PRH1: variants seen among roughly 807,000 people sequenced by gnomAD.
PRH1 encodes proline rich protein HaeIII subfamily 1.
Under a neutral mutation model 7.9 loss-of-function variants are expected in PRH1, and 7 were observed. That is an observed-to-expected ratio of 0.89 (90% CI 0.50 to 1.67). The LOEUF (loss-of-function observed/expected upper bound fraction) is 1.67, where lower values mean the gene tolerates loss of function less well. PRH1 is among the 40% of genes most tolerant of loss of function. The probability of loss-of-function intolerance (pLI) is 0.00; values close to 1 mark genes in which losing one functional copy is unlikely to be tolerated. For missense variants in PRH1, 109 were observed against 223.6 expected (o/e 0.49, Z 3.27); for synonymous variants, 45 against 80.8 (o/e 0.56, Z 2.38).
intron 1 of PRH1, among the ~76,000 whole-genome samples, chr12:11,042,100 T>C (rs751460118): frequency 5.9e-5 from 9 of 151,942 alleles, no homozygotes; most frequent in Admixed American, 5.9e-4. Flanking sequence ...AACCCAAAAT[T>C]AGTAGAACAC....
intron 1 of PRH1, among the ~76,000 whole-genome samples, chr12:10,976,327 G>A (rs192048660): frequency 1.1e-3 from 164 of 152,200 alleles, no homozygotes; most frequent in Non-Finnish European, 2.0e-3. Context: ...TGAATTTTGG[G>A]TACATATGAA....
intron 1 of PRH1, among the ~76,000 whole-genome samples, chr12:11,112,178 A>C (rs1455769326): frequency 6.6e-6 from 1 of 152,206 alleles, no homozygotes; most frequent in African/African-American, 2.4e-5. Flanking sequence ...AGCAACCAAA[A>C]AAAGTCCAGG....
At chr12:11,029,017 A>G (rs1332832620) in intron 1 of PRH1, among the ~76,000 whole-genome samples, 3 of 152,296 alleles carry the variant, frequency 2.0e-5, no homozygotes, top group Non-Finnish European at 4.4e-5. Flanking sequence ...TTGACCATCT[A>G]TTCTTGGTGC....
downstream of PRH1, among the ~76,000 whole-genome samples, chr12:11,117,326 AAAATT>A (rs1189937282): frequency 6.6e-6 from 1 of 152,154 alleles, no homozygotes; most frequent in Non-Finnish European, 1.5e-5. Flanking sequence ...GGTCACACAT[AAAATT>A]AAATACCTGA....
intron 1 of PRH1, among the ~76,000 whole-genome samples, chr12:11,010,879 T>C (rs1941037656): frequency 6.6e-6 from 1 of 151,984 alleles, no homozygotes; most frequent in Admixed American, 6.6e-5. Context: ...TTCATATTTC[T>C]TTATTAATTT....
At chr12:11,098,557 A>C (rs150196454) in intron 1 of PRH1, among the ~76,000 whole-genome samples, 2 of 152,312 alleles carry the variant, frequency 1.3e-5, no homozygotes, top group African/African-American at 4.8e-5. Context: ...TGTGTTTAGC[A>C]ACTTCAGTTG....
intron 1 of PRH1, among the ~76,000 whole-genome samples, chr12:10,984,030 G>T (rs914356158): frequency 2.6e-5 from 4 of 151,414 alleles, no homozygotes; most frequent in Non-Finnish European, 5.9e-5. Flanking sequence ...CATTTAGAAA[G>T]GGTTTTAAAA....
intron 1 of PRH1, among the ~76,000 whole-genome samples, chr12:11,103,446 A>C (rs1945315910): frequency 6.6e-6 from 1 of 150,952 alleles, no homozygotes; most frequent in Non-Finnish European, 1.5e-5. Flanking sequence ...AGGACAGAAA[A>C]CCAAACTCCA....
chr12:10,927,143 G>A (rs10845247), intron 2 of PRH1, among the ~76,000 whole-genome samples: 35,600 of 152,140 alleles, frequency 0.23, 4,237 homozygotes, highest in Non-Finnish European at 0.25. Context: ...TGAGCTGAGC[G>A]ACCTTTAGGA....
At chr12:11,073,788 A>G (rs1206712433) in intron 1 of PRH1, among the ~76,000 whole-genome samples, 1 of 152,204 alleles carries the variant, frequency 6.6e-6, no homozygotes. Flanking sequence ...CATCGTGGGC[A>G]TTATAGGACT....
chr12:11,049,745 G>C (rs1469997228), upstream of PRH1, among the ~76,000 whole-genome samples: 1 of 152,092 alleles, frequency 6.6e-6, no homozygotes. Flanking sequence ...GTCATAACTA[G>C]GATAATACCA....
chr12:11,141,257 A>G (rs1946694582), intron 1 of PRH1, among the ~76,000 whole-genome samples: 1 of 152,214 alleles, frequency 6.6e-6, no homozygotes, highest in Non-Finnish European at 1.5e-5. Context: ...GAGTCTAGTT[A>G]ATACTTAAAT....
At chr12:10,924,515 A>G (rs1950098386) in intron 2 of PRH1, among the ~76,000 whole-genome samples, 1 of 152,158 alleles carries the variant, frequency 6.6e-6, no homozygotes, top group Admixed American at 6.5e-5. Context: ...ATCCAACTCA[A>G]TGGCTGACAT....
At chr12:10,926,295 G>A (rs771313506) in intron 2 of PRH1, among the ~76,000 whole-genome samples, 10 of 152,124 alleles carry the variant, frequency 6.6e-5, no homozygotes, top group African/African-American at 9.7e-5. Flanking sequence ...ACTCACTCTC[G>A]GAGAAGTTTA....
chr12:10,962,014 AC>A (rs1273541164), intron 2 of PRH1, among the ~76,000 whole-genome samples: 1 of 152,144 alleles, frequency 6.6e-6, no homozygotes, highest in Non-Finnish European at 1.5e-5. Flanking sequence ...CTCACTTTCC[AC>A]GTGCTCTTGC....
chr12:11,089,630 A>G (rs554469613), intron 1 of PRH1, among the ~76,000 whole-genome samples: 5 of 24,064 alleles, frequency 2.1e-4, no homozygotes, highest in African/African-American at 3.3e-4. Context: ...CAGGTATTAC[A>G]TTAAAAACAT....
chr12:10,936,397 C>A (rs1379509034), intron 2 of PRH1, among the ~76,000 whole-genome samples: 1 of 152,104 alleles, frequency 6.6e-6, no homozygotes, highest in African/African-American at 2.4e-5. Context: ...TTCTAATATG[C>A]CACTTGAGGT....
chr12:11,036,174 T>A (rs1468845290), intron 1 of PRH1, among the ~76,000 whole-genome samples: 1 of 152,242 alleles, frequency 6.6e-6, no homozygotes, highest in African/African-American at 2.4e-5. Flanking sequence ...ATTACAGGCG[T>A]GAGCCACCGC....
chr12:10,980,667 A>C (rs990226862), intron 1 of PRH1, among the ~76,000 whole-genome samples: 1 of 152,206 alleles, frequency 6.6e-6, no homozygotes, highest in East Asian at 1.9e-4. Context: ...GATCACCAAC[A>C]AAACAAGCCC....
Sources: allele counts gnomAD v4.1 joint callset (sites outside exome capture counted in the v4.1 genomes callset), GRCh38; gene constraint gnomAD v4.1.1; transcripts MANE v1.5; gene names NCBI Gene and HGNC (gene_info 2026-07-23, HGNC 2026-07-21).